Variants in ARHGAP32 observed in about 807,000 individuals in gnomAD.
ARHGAP32 encodes the protein rho GTPase-activating protein 32.
ARHGAP32 carries 51 observed loss-of-function variants against 186.5 expected under a neutral mutation model. The observed-to-expected ratio is 0.27, with a 90% CI of 0.22 to 0.35. ARHGAP32 has a LOEUF of 0.35. Ranked by LOEUF, ARHGAP32 falls within the 10% of genes least tolerant of loss-of-function variation. ARHGAP32 has a pLI of 1.00. For missense variants in ARHGAP32, 2,186 were observed against 2,623.5 expected, an observed-to-expected ratio of 0.83 and a Z score of 3.64; for synonymous variants, 950 against 964.3, an observed-to-expected ratio of 0.99 and a Z score of 0.27.
At chr11:129,056,824 G>GA (rs1940271409) in intron 10 of ARHGAP32, among the ~76,000 whole-genome samples, 1 of 152,150 alleles carries the variant, frequency 6.6e-6, no homozygotes, top group African/African-American at 2.4e-5. Flanking sequence ...GCGCTCAAGA[G>GA]GGTGACACCT....
chr11:129,243,654 G>C (rs1023890405), intron 1 of ARHGAP32, among the ~76,000 whole-genome samples: 1 of 152,052 alleles, frequency 6.6e-6, no homozygotes, highest in African/African-American at 2.4e-5. Context: ...ATTCCAATAT[G>C]AGGACTCTTT....
At chr11:129,147,401 G>T (rs1292076584) in intron 2 of ARHGAP32, among the ~76,000 whole-genome samples, 1 of 152,088 alleles carries the variant, frequency 6.6e-6, no homozygotes, top group Non-Finnish European at 1.5e-5. Flanking sequence ...ATTCAATACA[G>T]ATTTACTGAA....
rs566767050 is a variant in ARHGAP32 at position 129,127,127 on chromosome 11, T to C, written c.226-2233A>G. On this transcript the variant is annotated intron_variant, in intron 2 of 22. Transcript: ENST00000682385. The stretch of plus-strand genomic sequence containing the variant: ...TCTTTGTGCTAGCTGGGGAGGCCAC[T>C]GTTCCTAAATACATCTCAAGAGAAA... Among the ~76,000 whole-genome samples, 316 of 152,320 alleles carry C rather than the reference T, an allele frequency of 2.1e-3. 4 individuals are homozygous for C. Among genetic ancestry groups the C allele is most frequent in the African/African-American group, 7.4e-3 (307 of 41,578 alleles).
chr11:128,997,013 A>T (rs1481257030), intron 12 of ARHGAP32, among the ~76,000 whole-genome samples: 1 of 152,144 alleles, frequency 6.6e-6, no homozygotes, highest in African/African-American at 2.4e-5. Context: ...TCCTAGGCGC[A>T]AGCTATCTGC....
At chr11:128,972,415 T>C (rs1008709743) in intron 22 of ARHGAP32, 38 bp downstream of exon 22, 3 of 1,496,052 alleles carry the variant, frequency 2.0e-6, no homozygotes, top group Admixed American at 2.3e-5. Context: ...CCTTTGGTAA[T>C]AGTATATTTC....
intron 2 of ARHGAP32, among the ~76,000 whole-genome samples, chr11:129,154,646 C>T (rs969853593): frequency 6.6e-6 from 1 of 151,974 alleles, no homozygotes; most frequent in Non-Finnish European, 1.5e-5. Context: ...AACCAAATAC[C>T]GTTATGTTCT....
chr11:129,165,564 C>A (rs1943619757), intron 1 of ARHGAP32, among the ~76,000 whole-genome samples: 1 of 145,850 alleles, frequency 6.9e-6, no homozygotes, highest in South Asian at 2.3e-4. Context: ...ATCTAGTATC[C>A]AGTAAATATT....
chr11:129,065,009 G>C (rs145558895), intron 7 of ARHGAP32, 76 bp from the exon 8 acceptor site: 4 of 1,207,380 alleles, frequency 3.3e-6, no homozygotes, highest in Middle Eastern at 1.9e-4. Flanking sequence ...ATGGTTTCTG[G>C]AAGAAAAAAA....
chr11:129,120,330 GA>G (rs1292737951), intron 5 of ARHGAP32, among the ~76,000 whole-genome samples: 1 of 152,102 alleles, frequency 6.6e-6, no homozygotes, highest in Non-Finnish European at 1.5e-5. Context: ...GAGCAGGTCT[GA>G]AAGACTGTTC....
chr11:128,981,367 T>C (rs1259211863), intron 17 of ARHGAP32, 49 bp downstream of exon 17: 1 of 1,535,978 alleles, frequency 6.5e-7, no homozygotes, highest in Non-Finnish European at 8.8e-7. Context: ...GCTACTCCTC[T>C]GGAAGCTGAG....
chr11:129,194,730 G>T (rs546131221), upstream of ARHGAP32, among the ~76,000 whole-genome samples: 2 of 151,556 alleles, frequency 1.3e-5, no homozygotes, highest in African/African-American at 4.9e-5. Flanking sequence ...TCCAGCCTGG[G>T]CAACAAGAGT....
At chr11:129,116,534 G>A (rs1942374632) in intron 5 of ARHGAP32, among the ~76,000 whole-genome samples, 1 of 151,994 alleles carries the variant, frequency 6.6e-6, no homozygotes, top group African/African-American at 2.4e-5. Flanking sequence ...ACTAAACTTT[G>A]TGGCCAGGGT....
chr11:129,091,251 T>C (rs552175703), intron 6 of ARHGAP32, among the ~76,000 whole-genome samples: 1 of 152,258 alleles, frequency 6.6e-6, no homozygotes, highest in East Asian at 1.9e-4. Context: ...CTGTATCAGC[T>C]GTTTAAATAT....
intron 10 of ARHGAP32, among the ~76,000 whole-genome samples, chr11:129,044,428 T>C (rs1046979478): frequency 1.3e-5 from 2 of 152,156 alleles, no homozygotes; most frequent in Non-Finnish European, 2.9e-5. Flanking sequence ...AAATCAGAAC[T>C]TGGCGATGAC....
chr11:129,240,916 T>C (rs1450134854), intron 1 of ARHGAP32, among the ~76,000 whole-genome samples: 1 of 152,232 alleles, frequency 6.6e-6, no homozygotes, highest in Non-Finnish European at 1.5e-5. Flanking sequence ...GAAAGGTTCC[T>C]GGAGAAATCT....
chr11:129,002,032 T>G (rs1193489454), intron 11 of ARHGAP32, among the ~76,000 whole-genome samples: 1 of 152,208 alleles, frequency 6.6e-6, no homozygotes, highest in Admixed American at 6.5e-5. Flanking sequence ...TGAAGTCAGG[T>G]AATGTGATTC....
intron 1 of ARHGAP32, among the ~76,000 whole-genome samples, chr11:129,272,883 TTAAAG>T (rs1390559628): frequency 6.6e-6 from 1 of 152,214 alleles, no homozygotes; most frequent in Non-Finnish European, 1.5e-5. Context: ...TTCTAGTAAA[TTAAAG>T]TAAACCTTTC....
chr11:129,080,708 A>G (rs975295498), intron 6 of ARHGAP32, among the ~76,000 whole-genome samples: 4 of 152,038 alleles, frequency 2.6e-5, no homozygotes, highest in Non-Finnish European at 4.4e-5. Flanking sequence ...AGAAACGAGA[A>G]CAAACCAAAC....
intron 1 of ARHGAP32, among the ~76,000 whole-genome samples, chr11:129,206,675 G>A (rs999258033): frequency 6.6e-6 from 1 of 151,842 alleles, no homozygotes; most frequent in Admixed American, 6.6e-5. Flanking sequence ...TTCTCTGACA[G>A]TCTTTATCTT....
Sources: gnomAD v4.1 joint callset for allele counts (sites outside exome capture counted in the v4.1 genomes callset) on GRCh38, gnomAD v4.1.1 for gene constraint, MANE v1.5 for transcripts, NCBI Gene and HGNC (gene_info 2026-07-23, HGNC 2026-07-21) for gene names.